The following SLC4A4 variants were observed in gnomAD, a reference collection of about 807,000 sequenced individuals.
SLC4A4 encodes solute carrier family 4 member 4.
In SLC4A4, 27 loss-of-function variants were observed where a neutral mutation model predicts 111.5. The observed-to-expected ratio is 0.24, with a 90% CI of 0.18 to 0.33. SLC4A4 has a LOEUF of 0.33. Among genes scored for constraint, SLC4A4 ranks in the 10% least tolerant of loss-of-function variants. The probability of loss-of-function intolerance (pLI) is 1.00; values close to 1 mark genes in which losing one functional copy is unlikely to be tolerated. For missense variants in SLC4A4, 909 were observed against 1,315.5 expected, an observed-to-expected ratio of 0.69 and a Z score of 4.78; for synonymous variants, 443 against 463.4, an observed-to-expected ratio of 0.96 and a Z score of 0.57.
chr4:71,459,445 A>G (rs1438260599), intron 12 of SLC4A4, among the ~76,000 whole-genome samples: 1 of 152,078 alleles, frequency 6.6e-6, no homozygotes, highest in Non-Finnish European at 1.5e-5. Context: ...TCATGTGTAT[A>G]CAGATAGATT....
At chr4:71,247,636 T>A (rs1720772193) in intron 2 of SLC4A4, among the ~76,000 whole-genome samples, 1 of 152,226 alleles carries the variant, frequency 6.6e-6, no homozygotes, top group African/African-American at 2.4e-5. Context: ...ATTGTTTTTT[T>A]ATCTTCCAAC....
At chr4:71,159,763 C>T (rs1256934276) in intron 2 of SLC4A4, among the ~76,000 whole-genome samples, 1 of 152,132 alleles carries the variant, frequency 6.6e-6, no homozygotes, top group Non-Finnish European at 1.5e-5. Context: ...TGTGAAGATA[C>T]AATACTTTTT....
chr4:71,485,845 G>A (rs1163681524), intron 14 of SLC4A4, among the ~76,000 whole-genome samples: 1 of 151,270 alleles, frequency 6.6e-6, no homozygotes, highest in Non-Finnish European at 1.5e-5. Context: ...ATATTTTTGA[G>A]TTCCTGTTAA....
chr4:71,389,257 A>T (rs889987200), intron 6 of SLC4A4, among the ~76,000 whole-genome samples: 11 of 152,198 alleles, frequency 7.2e-5, no homozygotes, highest in Non-Finnish European at 1.0e-4. Flanking sequence ...TATTATCTTT[A>T]TCCCATACAT....
At chr4:71,245,868 G>A (rs1204344472) in intron 2 of SLC4A4, among the ~76,000 whole-genome samples, 4 of 152,170 alleles carry the variant, frequency 2.6e-5, no homozygotes, top group Admixed American at 2.6e-4. Context: ...ATAGAAGTAG[G>A]AGGAAAACTG....
chr4:71,419,530 T>C (rs993068974), intron 7 of SLC4A4, among the ~76,000 whole-genome samples: 9 of 152,192 alleles, frequency 5.9e-5, no homozygotes, highest in African/African-American at 2.2e-4. Flanking sequence ...TGGTGCCCCG[T>C]TTTTTAAGCC....
intron 7 of SLC4A4, among the ~76,000 whole-genome samples, chr4:71,432,217 G>A (rs1174101981): frequency 1.2e-4 from 18 of 152,118 alleles, no homozygotes; most frequent in Non-Finnish European, 1.5e-5. Flanking sequence ...ATTATGGTCA[G>A]GTCACCTGCC....
chr4:71,329,292 T>C (rs890180135), intron 3 of SLC4A4, among the ~76,000 whole-genome samples: 6 of 152,118 alleles, frequency 3.9e-5, no homozygotes, highest in African/African-American at 7.2e-5. Context: ...AGGATGGCTT[T>C]AGCTATTCTG....
At chr4:71,164,821 A>G (rs553192536) in intron 2 of SLC4A4, among the ~76,000 whole-genome samples, 2 of 152,306 alleles carry the variant, frequency 1.3e-5, no homozygotes, top group African/African-American at 4.8e-5. Flanking sequence ...AAGGGCTAAT[A>G]TCCAGAATCT....
At chr4:71,426,176 T>C (rs368651933) in intron 7 of SLC4A4, among the ~76,000 whole-genome samples, 2 of 152,022 alleles carry the variant, frequency 1.3e-5, no homozygotes, top group African/African-American at 4.8e-5. Context: ...TCTGTTTCAA[T>C]GTTAATGCTG....
chr4:71,367,999 G>T (rs1167476275), intron 6 of SLC4A4, among the ~76,000 whole-genome samples: 3 of 152,064 alleles, frequency 2.0e-5, no homozygotes, highest in Non-Finnish European at 4.4e-5. Flanking sequence ...CTGTTGGTTG[G>T]ATATGCCTTG....
intron 15 of SLC4A4, among the ~76,000 whole-genome samples, chr4:71,492,613 A>C (rs1390700098): frequency 6.6e-6 from 1 of 151,994 alleles, no homozygotes; most frequent in Non-Finnish European, 1.5e-5. Flanking sequence ...TTAAAACTGA[A>C]TGAAGCATTG....
At chr4:71,433,417 G>A (rs1440964930) in intron 7 of SLC4A4, among the ~76,000 whole-genome samples, 1 of 151,590 alleles carries the variant, frequency 6.6e-6, no homozygotes, top group East Asian at 1.9e-4. Flanking sequence ...TATCTCTCCT[G>A]CAGCATTAAC....
chr4:71,128,289 T>C (rs1743611190), intron 2 of SLC4A4, among the ~76,000 whole-genome samples: 1 of 152,170 alleles, frequency 6.6e-6, no homozygotes, highest in East Asian at 1.9e-4. Context: ...AAAACCATCA[T>C]ATCTCGTCAG....
chr4:71,246,130 G>A (rs999247928), intron 2 of SLC4A4, among the ~76,000 whole-genome samples: 1 of 152,150 alleles, frequency 6.6e-6, no homozygotes. Flanking sequence ...GCTGGAAAAC[G>A]TTTAGCCTTT....
rs114952461 is a variant in SLC4A4, at chr4:71,337,423, T to C, written c.254-1947T>C. On this transcript the variant is annotated intron_variant, in intron 3 of 25. Transcript: ENST00000264485. Reference sequence around the variant, plus strand: ...TATACATGTCAAAAAAGTCCAGCTATTTTGACTTCATATTTTATGATTGAG... The same window carrying C: ...TATACATGTCAAAAAAGTCCAGCTACTTTGACTTCATATTTTATGATTGAG... Among the ~76,000 whole-genome samples the C allele has an allele frequency of 8.2e-3, 1,252 of 152,280 alleles. 11 individuals carry two copies. The highest frequency in any genetic ancestry group is 0.013 in the Non-Finnish European group (856 of 68,014).
intron 1 of SLC4A4, among the ~76,000 whole-genome samples, chr4:71,191,464 A>G (rs2148994952): frequency 6.6e-6 from 1 of 152,364 alleles, no homozygotes; most frequent in South Asian, 2.1e-4. Context: ...TGGTGGAGGT[A>G]GGAATAAGTA....
intron 1 of SLC4A4, among the ~76,000 whole-genome samples, chr4:71,066,960 C>T (rs1741531678): frequency 1.3e-5 from 2 of 152,200 alleles, no homozygotes; most frequent in Non-Finnish European, 2.9e-5. Flanking sequence ...GACTTTACTT[C>T]GCTCTTTAGC....
chr4:71,512,766 G>A (rs1478084757), intron 16 of SLC4A4, among the ~76,000 whole-genome samples: 2 of 152,110 alleles, frequency 1.3e-5, no homozygotes, highest in East Asian at 3.9e-4. Context: ...TATAGTTTTG[G>A]GTCTTACATA....
Sources: gnomAD v4.1 joint callset for allele counts (sites outside exome capture counted in the v4.1 genomes callset) on GRCh38, gnomAD v4.1.1 for gene constraint, MANE v1.5 for transcripts, NCBI Gene and HGNC (gene_info 2026-07-23, HGNC 2026-07-21) for gene names.